Variants in CCNB1 observed in about 807,000 individuals in gnomAD.
CCNB1 encodes cyclin B1.
CCNB1 carries 26 observed loss-of-function variants against 44.4 expected under a neutral mutation model. The observed-to-expected ratio is 0.59, with a 90% CI of 0.43 to 0.81. The LOEUF (loss-of-function observed/expected upper bound fraction) is 0.81, where lower values mean the gene tolerates loss of function less well. Among genes scored for constraint, CCNB1 ranks in the 40% least tolerant of loss-of-function variants. CCNB1 has a pLI of 0.00. For missense variants in CCNB1, 477 were observed against 520.9 expected, an observed-to-expected ratio of 0.92 and a Z score of 0.82; for synonymous variants, 195 against 181.4, an observed-to-expected ratio of 1.08 and a Z score of -0.60.
intron 6 of CCNB1, 26 bp downstream of exon 6, chr5:69,175,139 C>T (rs138556581): frequency 7.9e-5 from 119 of 1,500,592 alleles, no homozygotes; most frequent in East Asian, 2.3e-4. Flanking sequence ...GAAACCTCTC[C>T]GTATGGGTAC....
At chr5:69,176,818 A>C (rs1029134156) in intron 7 of CCNB1, among the ~76,000 whole-genome samples, 2 of 151,946 alleles carry the variant, frequency 1.3e-5, no homozygotes, top group African/African-American at 4.8e-5. Context: ...ATCTCTACTA[A>C]AAATACAAAA....
rs943817844 is a variant in CCNB1, at chr5:69,168,170, C to T, written c.193-3C>T. 1 of 1,613,760 alleles carries T rather than the reference C, an allele frequency of 6.2e-7. No individual in the cohort carries two copies. The highest frequency in any genetic ancestry group is 1.3e-5 in the African/African-American group (1 of 74,904). ...CATTTCATTCTCTCTGTTTCATCTA[C>T]AGGAAGCAAAACCTTCAGCTACTGG... On this transcript the variant is annotated splice_polypyrimidine_tract_variant and splice_region_variant and intron_variant, in intron 2 of 8. Transcript: ENST00000256442.
At position 69,175,471 on chromosome 5, in the gene CCNB1, T is replaced by C. The variant is rs560343547; in HGVS notation, c.1017T>C (p.Phe339=). 8.1e-6 allele frequency: 13 copies of C among 1,614,132 alleles called. No homozygotes were observed. Among genetic ancestry groups the C allele is most frequent in the Admixed American group, 1.7e-5 (1 of 60,016 alleles). The change falls in exon 7 of 9, where the codon TTT becomes TTC. Residue 339 remains phenylalanine, a synonymous_variant. Coordinates refer to ENST00000256442, the MANE Select transcript of CCNB1 (RefSeq NM_031966.4). ...LTMLDYDMVH[F]PPSQIAAGAF... The stretch of plus-strand genomic sequence containing the variant: ...TGTTGGACTATGACATGGTGCACTT[T>C]CCTCCTTCTCAAATTGCAGCAGGAG...
At chr5:69,170,415 G>A (rs1008205962) in intron 3 of CCNB1, among the ~76,000 whole-genome samples, 2 of 152,206 alleles carry the variant, frequency 1.3e-5, no homozygotes, top group Non-Finnish European at 2.9e-5. Flanking sequence ...GAAGGAAATG[G>A]TTAATGGCGA....
Position 69,168,349 on chromosome 5 carries a change from C to G in CCNB1, c.363+6C>G, listed in dbSNP as rs370310551. On this transcript the variant is annotated splice_donor_region_variant and intron_variant, in intron 3 of 8. Coordinates refer to ENST00000256442, the MANE Select transcript of CCNB1 (RefSeq NM_031966.4). ...TTTCGCCTGAGCCTATTTTGGTAAA[C>G]TTATTCTTACCATTGTAGAGTCTGT... 6.2e-7 allele frequency: 1 copy of G among 1,614,006 alleles called. No individual in the cohort carries two copies. The highest frequency in any genetic ancestry group is 8.5e-7 in the Non-Finnish European group (1 of 1,179,970).
At position 69,177,340 on chromosome 5, in the gene CCNB1, A is replaced by G; in HGVS notation, c.1185A>G (p.Thr395=). The G allele has an allele frequency of 6.3e-7, 1 of 1,599,034 alleles. No homozygotes were observed. Among genetic ancestry groups the G allele is most frequent in the Non-Finnish European group, 8.6e-7 (1 of 1,166,298 alleles). The change falls in exon 8 of 9, where the codon ACA becomes ACG. Residue 395 remains threonine, a synonymous_variant. Transcript: ENST00000256442. ...KNVVMVNQGL[T]KHMTVKNKYA... ...TAGTCATGGTAAATCAAGGACTTAC[A>G]AAGCACATGGTGAGTCAATATAGTG...
intron 3 of CCNB1, among the ~76,000 whole-genome samples, chr5:69,170,073 C>G (rs1015222868): frequency 6.6e-6 from 1 of 152,062 alleles, no homozygotes; most frequent in East Asian, 1.9e-4. Context: ...AAGCAATTCT[C>G]TTGCCTCAGC....
chr5:69,170,584 G>A (rs577454357), intron 3 of CCNB1, among the ~76,000 whole-genome samples: 11 of 151,816 alleles, frequency 7.2e-5, no homozygotes, highest in Non-Finnish European at 1.6e-4. Flanking sequence ...TTCCTTTGCA[G>A]CAAAGTCTAG....
intron 7 of CCNB1, among the ~76,000 whole-genome samples, chr5:69,175,982 A>AAAATATATATAT (rs1747577603): frequency 1.7e-5 from 2 of 116,400 alleles, no homozygotes; most frequent in East Asian, 3.1e-4. Context: ...AAATATATAA[A>AAAATATATATAT]ATATATATAT....
At position 69,167,206 on chromosome 5, in the gene CCNB1, C is replaced by G; in HGVS notation, c.-57C>G. 6.7e-7 allele frequency: 1 copy of G among 1,496,644 alleles called. No homozygotes were observed. The highest frequency in any genetic ancestry group is 2.1e-5 in the Admixed American group (1 of 47,390). 92.7% of individuals were successfully genotyped at this position (1,496,644 alleles called of 1,614,324 possible). A position where few individuals can be genotyped will look rare whatever the true frequency, so the allele number is the denominator to read the frequency against. Reference sequence around the variant, plus strand: ...TGCTGGGTGTAGGTCCTTGGCTGGTCGGGCCTCCGGTGTTCTGCTTCTCCC... The same window carrying G: ...TGCTGGGTGTAGGTCCTTGGCTGGTGGGGCCTCCGGTGTTCTGCTTCTCCC... On this transcript the variant is annotated 5_prime_UTR_variant, in exon 1 of 9. Transcript: ENST00000256442.
In CCNB1 at chr5:69,178,096, T is replaced by G. The variant is rs1747638084; in HGVS notation, c.*465T>G. The G allele has an allele frequency of 6.5e-6, 1 of 152,736 alleles. No homozygotes were observed. The highest frequency in any genetic ancestry group is 2.4e-5 in the African/African-American group (1 of 41,600). 9.5% of individuals were successfully genotyped at this position (152,736 alleles called of 1,614,324 possible). ...TTCTTCTTGTGATTGCTGCCATAAT[T>G]CTAAGTTATTTACTTTTACCACTAT... On this transcript the variant is annotated 3_prime_UTR_variant, in exon 9 of 9. Coordinates refer to ENST00000256442, the MANE Select transcript of CCNB1 (RefSeq NM_031966.4).
chr5:69,172,426 T>C (rs950814893), intron 4 of CCNB1, among the ~76,000 whole-genome samples: 1 of 151,974 alleles, frequency 6.6e-6, no homozygotes, highest in Non-Finnish European at 1.5e-5. Flanking sequence ...CCAGCTAATT[T>C]TTGTACTTTT....
intron 6 of CCNB1, 102 bp downstream of exon 6, chr5:69,175,215 C>A: frequency 1.9e-6 from 2 of 1,033,334 alleles, no homozygotes; most frequent in Non-Finnish European, 2.9e-6. Context: ...TACCTAACTA[C>A]ATGGGGAAGG....
Position 69,168,164 on chromosome 5 carries a change from C to A in CCNB1, c.193-9C>A. 1 of 1,613,724 alleles carries A rather than the reference C, an allele frequency of 6.2e-7. No homozygotes were observed. Among genetic ancestry groups the A allele is most frequent in the Non-Finnish European group, 8.5e-7 (1 of 1,179,730 alleles). On this transcript the variant is annotated splice_polypyrimidine_tract_variant and intron_variant, in intron 2 of 8. Transcript: ENST00000256442. Reference sequence around the variant, plus strand: ...CAGAAACATTTCATTCTCTCTGTTTCATCTACAGGAAGCAAAACCTTCAGC... The same window carrying A: ...CAGAAACATTTCATTCTCTCTGTTTAATCTACAGGAAGCAAAACCTTCAGC...
At chr5:69,174,697 A>G (rs1323581690) in intron 5 of CCNB1, among the ~76,000 whole-genome samples, 180 bp from the exon 6 acceptor site, 1 of 152,098 alleles carries the variant, frequency 6.6e-6, no homozygotes, top group Admixed American at 6.6e-5. Context: ...CCTGGGTGAC[A>G]GAGCGAGACT....
At position 69,174,935 on chromosome 5, in the gene CCNB1, C is replaced by T; in HGVS notation, c.764C>T (p.Ala255Val). 2 of 1,614,138 alleles carry T rather than the reference C, an allele frequency of 1.2e-6. No individual in the cohort carries two copies. The highest frequency in any genetic ancestry group is 1.7e-6 in the Non-Finnish European group (2 of 1,180,044). The part of the protein sequence containing the change: ...QLVGVTAMFI[A>V]SKYEEMYPPE... ...GTTGGTGTCACTGCCATGTTTATTG[C>T]AAGCAAATATGAAGAAATGTACCCT... The change falls in exon 6 of 9, where the codon GCA becomes GTA. Residue 255 changes from alanine (A) to valine (V), a missense_variant. Ala to Val is a moderately conservative substitution (Grantham distance 64, BLOSUM62 0). Coordinates refer to ENST00000256442, the MANE Select transcript of CCNB1 (RefSeq NM_031966.4).
At chr5:69,168,618 G>C (rs1473476250) in intron 3 of CCNB1, among the ~76,000 whole-genome samples, 1 of 152,178 alleles carries the variant, frequency 6.6e-6, no homozygotes, top group Non-Finnish European at 1.5e-5. Flanking sequence ...TTCAAGCTCA[G>C]GCTGTCTGGC....
rs373737881 is a variant in CCNB1 at position 69,171,469 on chromosome 5, G to T, written c.546+17G>T. ...CAACTTGAGGTAAGTATTATCATTC[G>T]TTTTTTTTCTAAACTGCATCTAACT... On this transcript the variant is annotated intron_variant, in intron 4 of 8. Coordinates refer to ENST00000256442, the MANE Select transcript of CCNB1 (RefSeq NM_031966.4). 6 of 1,544,506 alleles carry T rather than the reference G, an allele frequency of 3.9e-6. No individual in the cohort carries two copies. The highest frequency in any genetic ancestry group is 2.4e-5 in the South Asian group (2 of 83,158).
At chr5:69,171,956 A>G (rs866971284) in intron 4 of CCNB1, among the ~76,000 whole-genome samples, 11 of 152,284 alleles carry the variant, frequency 7.2e-5, no homozygotes, top group African/African-American at 2.6e-4. Flanking sequence ...ATTTGATCCC[A>G]CTTTTGAAAC....
Sources: gnomAD v4.1 joint callset for allele counts (sites outside exome capture counted in the v4.1 genomes callset) on GRCh38, gnomAD v4.1.1 for gene constraint, MANE v1.5 for transcripts, NCBI Gene and HGNC (gene_info 2026-07-23, HGNC 2026-07-21) for gene names.